Variants in JARID2 observed in about 807,000 individuals in gnomAD.
JARID2 encodes jumonji and AT-rich interaction domain containing 2.
Under a neutral mutation model 125.6 loss-of-function variants are expected in JARID2, and 21 were observed. That is an observed-to-expected ratio of 0.17 (90% CI 0.12 to 0.24). The LOEUF (loss-of-function observed/expected upper bound fraction) is 0.24. JARID2 is among the 10% of genes least tolerant of loss of function. The probability of loss-of-function intolerance (pLI) is 1.00; values close to 1 mark genes in which losing one functional copy is unlikely to be tolerated. For missense variants in JARID2, 1,303 were observed against 1,639.6 expected, an observed-to-expected ratio of 0.79 and a Z score of 3.55; for synonymous variants, 736 against 661.6, an observed-to-expected ratio of 1.11 and a Z score of -1.73.
At chr6:15,297,908 G>A (rs1469611705) in intron 1 of JARID2, among the ~76,000 whole-genome samples, 1 of 118,580 alleles carries the variant, frequency 8.4e-6, no homozygotes, top group African/African-American at 3.6e-5. Flanking sequence ...AATTTAGGAA[G>A]TGGAAAAAGA....
intron 4 of JARID2, among the ~76,000 whole-genome samples, chr6:15,453,674 A>G (rs1333166177): frequency 6.6e-6 from 1 of 152,188 alleles, no homozygotes; most frequent in East Asian, 1.9e-4. Flanking sequence ...AAAGGGTTAT[A>G]ATCTGTTACT....
chr6:15,348,772 CAGG>C lies in JARID2; in HGVS notation c.46-25342_46-25340del, dbSNP rs571345247. Among the ~76,000 whole-genome samples the C allele has an allele frequency of 3.3e-5, 5 of 152,348 alleles. No individual in the cohort carries two copies. In the South Asian group the frequency reaches 1.0e-3, roughly 32 times the overall value. ...CCAGCTAGATGAGAAGCAGCTGCAA[CAGG>C]AGAACTAGCGTGGGGAGCTCTAACC... On this transcript the variant is annotated intron_variant, in intron 1 of 17. Coordinates refer to ENST00000341776, the MANE Select transcript of JARID2 (RefSeq NM_004973.4).
intron 1 of JARID2, among the ~76,000 whole-genome samples, chr6:15,254,876 C>A (rs568662906): frequency 6.6e-6 from 1 of 151,792 alleles, no homozygotes; most frequent in Non-Finnish European, 1.5e-5. Context: ...TCCGTCTCTA[C>A]TAAAAATGCA....
At chr6:15,344,692 T>C (rs1019605883) in intron 1 of JARID2, among the ~76,000 whole-genome samples, 1 of 152,194 alleles carries the variant, frequency 6.6e-6, no homozygotes, top group East Asian at 1.9e-4. Flanking sequence ...TTTTACCTTC[T>C]TTATAGATTT....
At chr6:15,250,960 A>C (rs547598661) in intron 1 of JARID2, among the ~76,000 whole-genome samples, 1 of 150,900 alleles carries the variant, frequency 6.6e-6, no homozygotes, top group South Asian at 2.1e-4. Flanking sequence ...AGAATGTCAT[A>C]TTAAAAGCGT....
At chr6:15,395,619 C>T (rs1424772059) in intron 2 of JARID2, among the ~76,000 whole-genome samples, 29 of 151,700 alleles carry the variant, frequency 1.9e-4, no homozygotes, top group African/African-American at 5.8e-4. Flanking sequence ...AGACTGGTCT[C>T]GAACTCCTGA....
In JARID2 at chr6:15,358,874, A is replaced by G. The variant is rs374130816; in HGVS notation, c.46-15243A>G. Among the ~76,000 whole-genome samples, 16 of 152,358 alleles carry G rather than the reference A, an allele frequency of 1.1e-4. No homozygotes were observed. The South Asian group carries it at 2.1e-3, about 20-fold the overall frequency. The stretch of plus-strand genomic sequence containing the variant: ...TTGGGAGATGGCGGGACTGAATTCT[A>G]GAGCAGCCATTCTGAGTTTATAAGA... On this transcript the variant is annotated intron_variant, in intron 1 of 17. Coordinates refer to ENST00000341776, the MANE Select transcript of JARID2 (RefSeq NM_004973.4).
intron 1 of JARID2, among the ~76,000 whole-genome samples, chr6:15,282,369 T>C (rs1283173210): frequency 1.3e-5 from 2 of 152,178 alleles, no homozygotes; most frequent in Non-Finnish European, 2.9e-5. Flanking sequence ...ATTATACAGC[T>C]TCTTTGGTTT....
chr6:15,339,073 G>C (rs773491827), intron 1 of JARID2, among the ~76,000 whole-genome samples: 1 of 152,138 alleles, frequency 6.6e-6, no homozygotes, highest in Non-Finnish European at 1.5e-5. Context: ...TATCCAACTG[G>C]AAGAGCAGTA....
chr6:15,517,862 T>A (rs1039101361), intron 17 of JARID2, among the ~76,000 whole-genome samples: 1 of 152,236 alleles, frequency 6.6e-6, no homozygotes, highest in Non-Finnish European at 1.5e-5. Flanking sequence ...CCACGTGTGC[T>A]TCCCACAGAC....
chr6:15,426,998 TG>T (rs747820569), intron 3 of JARID2, among the ~76,000 whole-genome samples: 1 of 152,364 alleles, frequency 6.6e-6, no homozygotes. Context: ...GGGCTGTGTC[TG>T]GCAACCCTTT....
intron 1 of JARID2, among the ~76,000 whole-genome samples, chr6:15,343,548 A>G (rs562253825): frequency 6.6e-6 from 1 of 152,174 alleles, no homozygotes; most frequent in Non-Finnish European, 1.5e-5. Flanking sequence ...CTTGCTATAA[A>G]ATTAGGCTAT....
At chr6:15,248,022 C>G (rs1581317114) in intron 1 of JARID2, 1 of 985,264 alleles carries the variant, frequency 1.0e-6, no homozygotes, top group East Asian at 1.1e-4. Context: ...CACCCCGCCT[C>G]CCATTCCGGA....
At chr6:15,250,282 AAGT>A (rs3215722) in intron 1 of JARID2, among the ~76,000 whole-genome samples, 29,947 of 152,146 alleles carry the variant, frequency 0.2, 3,239 homozygotes, top group South Asian at 0.36. Flanking sequence ...ACAAAGAAAA[AAGT>A]AGGAAGAACA....
intron 1 of JARID2, among the ~76,000 whole-genome samples, chr6:15,355,110 G>T (rs1327243440): frequency 6.6e-6 from 1 of 152,182 alleles, no homozygotes; most frequent in Non-Finnish European, 1.5e-5. Flanking sequence ...TAGGAGGAGA[G>T]AAAACCTTAC....
intron 5 of JARID2, among the ~76,000 whole-genome samples, chr6:15,470,175 T>TC (rs1769004512): frequency 1.6e-5 from 1 of 60,670 alleles, no homozygotes; most frequent in Non-Finnish European, 3.1e-5. Flanking sequence ...AGACTCTGTC[T>TC]CAAAAAAAAA....
chr6:15,392,799 C>T (rs1485501016), intron 2 of JARID2, among the ~76,000 whole-genome samples: 1 of 151,380 alleles, frequency 6.6e-6, no homozygotes, highest in Non-Finnish European at 1.5e-5. Flanking sequence ...ATTCTCATGC[C>T]TCATCCTCCC....
At chr6:15,354,124 A>G (rs1763519743) in intron 1 of JARID2, among the ~76,000 whole-genome samples, 1 of 152,198 alleles carries the variant, frequency 6.6e-6, no homozygotes, top group Non-Finnish European at 1.5e-5. Flanking sequence ...CGAGAAGAGT[A>G]TCCAGGTGAG....
intron 1 of JARID2, among the ~76,000 whole-genome samples, chr6:15,368,267 G>A (rs1417625985): frequency 6.6e-6 from 1 of 152,142 alleles, no homozygotes; most frequent in African/African-American, 2.4e-5. Context: ...TTTAAAATGA[G>A]TAGAGGAGAG....
Sources: gnomAD v4.1 joint callset for allele counts (sites outside exome capture counted in the v4.1 genomes callset) on GRCh38, gnomAD v4.1.1 for gene constraint, MANE v1.5 for transcripts, NCBI Gene and HGNC (gene_info 2026-07-23, HGNC 2026-07-21) for gene names.